Variants in CAST observed in about 807,000 individuals in gnomAD.
CAST encodes calpastatin.
A neutral mutation model predicts 119.6 loss-of-function variants in CAST; 76 were observed. The ratio of observed to expected loss-of-function variants is 0.64; its 90% confidence interval spans 0.53 to 0.77. The LOEUF (loss-of-function observed/expected upper bound fraction) is 0.77. CAST is among the 30% of genes least tolerant of loss of function. The pLI is 0.00. For synonymous variants in CAST, 319 were observed against 331.6 expected, an observed-to-expected ratio of 0.96 and a Z score of 0.41; for missense variants, 953 against 946.5, an observed-to-expected ratio of 1.01 and a Z score of -0.09.
the CAST span, among the ~76,000 whole-genome samples, chr5:96,191,364 A>G: frequency 6.6e-6 from 1 of 152,232 alleles, no homozygotes; most frequent in East Asian, 1.9e-4. Flanking sequence ...TACTTTACAT[A>G]TATTAATTCA....
chr5:96,757,194 G>T (rs1012979547), intron 22 of CAST, among the ~76,000 whole-genome samples: 8 of 152,114 alleles, frequency 5.3e-5, no homozygotes, highest in Non-Finnish European at 1.2e-4. Context: ...GGCTTCTGAG[G>T]TCACAAGCCA....
the CAST span, among the ~76,000 whole-genome samples, chr5:96,119,693 G>T: frequency 6.6e-6 from 1 of 152,168 alleles, no homozygotes; most frequent in Non-Finnish European, 1.5e-5. Context: ...GCTGTTTATA[G>T]TCAGAATGTC....
At chr5:96,641,327 C>A (rs912434485) in intron 1 of CAST, among the ~76,000 whole-genome samples, 3 of 152,224 alleles carry the variant, frequency 2.0e-5, no homozygotes, top group Admixed American at 2.0e-4. Flanking sequence ...GTATAAAATA[C>A]CCTCTGCTTG....
At chr5:96,452,502 G>A in the CAST span, among the ~76,000 whole-genome samples, 1 of 151,976 alleles carries the variant, frequency 6.6e-6, no homozygotes, top group East Asian at 1.9e-4. Flanking sequence ...CGGGGTAGGA[G>A]GCCAGTGGAG....
chr5:96,019,353 T>A, the CAST span, among the ~76,000 whole-genome samples: 1 of 152,238 alleles, frequency 6.6e-6, no homozygotes, highest in Non-Finnish European at 1.5e-5. Context: ...TAAAAAACTA[T>A]GTAAAGCAAT....
chr5:96,069,334 C>G, the CAST span, among the ~76,000 whole-genome samples: 2 of 149,002 alleles, frequency 1.3e-5, no homozygotes, highest in Admixed American at 6.7e-5. Context: ...ATTGTGGAGA[C>G]TGGAAAGCAT....
chr5:96,674,916 C>A (rs1750517326), intron 1 of CAST, among the ~76,000 whole-genome samples: 1 of 152,042 alleles, frequency 6.6e-6, no homozygotes, highest in Non-Finnish European at 1.5e-5. Context: ...TCACCTTGTA[C>A]CCCATAAAGA....
At chr5:96,579,520 G>T (rs964719461) in intron 1 of CAST, among the ~76,000 whole-genome samples, 10 of 152,218 alleles carry the variant, frequency 6.6e-5, no homozygotes, top group African/African-American at 1.7e-4. Flanking sequence ...ATGTGGGAGA[G>T]AAATGAGCCA....
chr5:96,242,749 G>A, the CAST span, among the ~76,000 whole-genome samples: 1 of 152,156 alleles, frequency 6.6e-6, no homozygotes, highest in African/African-American at 2.4e-5. Context: ...CTGAGAATAG[G>A]AGGTGTTAGG....
the CAST span, among the ~76,000 whole-genome samples, chr5:96,281,128 C>A: frequency 6.6e-6 from 1 of 152,134 alleles, no homozygotes; most frequent in African/African-American, 2.4e-5. Context: ...CATAATTGGT[C>A]AAAATAATGT....
At chr5:96,155,978 A>G in the CAST span, among the ~76,000 whole-genome samples, 2 of 152,236 alleles carry the variant, frequency 1.3e-5, no homozygotes, top group Admixed American at 6.5e-5. Flanking sequence ...CTGCAATAGC[A>G]GAGGACAGCA....
chr5:96,726,929 A>G, intron 5 of CAST, 70 bp downstream of exon 5: 1 of 1,045,644 alleles, frequency 9.6e-7, no homozygotes, highest in Non-Finnish European at 1.5e-6. Flanking sequence ...GCATGTGCTA[A>G]TAACTGCAAT....
At chr5:96,460,969 G>A in the CAST span, among the ~76,000 whole-genome samples, 1 of 151,886 alleles carries the variant, frequency 6.6e-6, no homozygotes, top group Non-Finnish European at 1.5e-5. Context: ...ACCTAATTTT[G>A]GAACATTCAT....
chr5:96,646,310 T>C (rs1748013755), intron 1 of CAST, among the ~76,000 whole-genome samples: 2 of 152,200 alleles, frequency 1.3e-5, no homozygotes, highest in Non-Finnish European at 2.9e-5. Flanking sequence ...GGCACAAAGA[T>C]ACCTGCAAAA....
At chr5:96,496,999 A>G in the CAST span, among the ~76,000 whole-genome samples, 1 of 132,584 alleles carries the variant, frequency 7.5e-6, no homozygotes, top group Non-Finnish European at 1.6e-5. Context: ...TCCAAATGCT[A>G]TCCCTCCCCC....
chr5:96,662,365 G>A, upstream of CAST: 2 of 1,176,738 alleles, frequency 1.7e-6, no homozygotes, highest in Non-Finnish European at 2.1e-6. Flanking sequence ...TCCCCGCCAG[G>A]CCTCCCCGCC....
chr5:96,171,502 G>A, the CAST span, among the ~76,000 whole-genome samples: 2 of 152,192 alleles, frequency 1.3e-5, no homozygotes, highest in African/African-American at 4.8e-5. Context: ...GAATGTGGGT[G>A]AATGACCAAG....
At chr5:96,371,284 C>T in the CAST span, among the ~76,000 whole-genome samples, 1 of 152,150 alleles carries the variant, frequency 6.6e-6, no homozygotes, top group Non-Finnish European at 1.5e-5. Flanking sequence ...GGAAAAGTTT[C>T]CAGAAAGGTC....
chr5:96,377,252 TA>T, the CAST span, among the ~76,000 whole-genome samples: 3 of 152,080 alleles, frequency 2.0e-5, no homozygotes, highest in Admixed American at 1.3e-4. Flanking sequence ...ATAGAACAAA[TA>T]AAAATATCTA....
Sources: allele counts gnomAD v4.1 joint callset (sites outside exome capture counted in the v4.1 genomes callset), GRCh38; gene constraint gnomAD v4.1.1; transcripts MANE v1.5; gene names NCBI Gene and HGNC (gene_info 2026-07-23, HGNC 2026-07-21).